Variants in MUC5AC observed in about 807,000 individuals in gnomAD.
MUC5AC encodes mucin 5AC, oligomeric mucus/gel-forming, also known as mucin-5AC.
MUC5AC carries 158 observed loss-of-function variants against 169.7 expected under a neutral mutation model. That is an observed-to-expected ratio of 0.93 (90% CI 0.82 to 1.06). MUC5AC has a LOEUF of 1.06. Among genes scored for constraint, MUC5AC ranks in the 50% least tolerant of loss-of-function variants. The probability of loss-of-function intolerance (pLI) is 0.00; values close to 1 mark genes in which losing one functional copy is unlikely to be tolerated. For synonymous variants in MUC5AC, 1,975 were observed against 1,237.0 expected, an observed-to-expected ratio of 1.60 and a Z score of -12.52; for missense variants, 4,359 against 3,089.9, an observed-to-expected ratio of 1.41 and a Z score of -9.74.
chr11:1,194,119 G>A lies in MUC5AC; in HGVS notation c.14765G>A (p.Ser4922Asn). ...CCCTGGGGCCTGGCAGGTGTGTGCA[G>A]CGGCTGGGGTGACCCCCACTACATC... ...CHHYQCQCVC[S>N]GWGDPHYITF... Residue 4922 changes from serine to asparagine, a missense_variant, in exon 34 of 49, where the codon AGC becomes AAC. Ser to Asn is a conservative substitution (Grantham distance 46, BLOSUM62 1). Transcript: ENST00000621226. 1 of 764,860 alleles carries A rather than the reference G, an allele frequency of 1.3e-6. No homozygotes were observed. Among genetic ancestry groups the A allele is most frequent in the Non-Finnish European group, 2.4e-6 (1 of 417,734 alleles). 47.4% of individuals were successfully genotyped at this position (764,860 alleles called of 1,614,324 possible).
At position 1,185,524 on chromosome 11, in the gene MUC5AC, C is replaced by A; in HGVS notation, c.7379C>A (p.Thr2460Lys). The A allele has an allele frequency of 1.4e-6, 1 of 724,674 alleles. No homozygotes were observed. 44.9% of individuals were successfully genotyped at this position (724,674 alleles called of 1,614,324 possible). The part of the protein sequence containing the change: ...TTPSPVPTTS[T>K]TSAPTTRTTS... ...CCAAGCCCTGTTCCCACGACCAGCACAACCTCTGCCCCTACAACAAGAACA... is the reference window on the plus strand; with the variant it reads ...CCAAGCCCTGTTCCCACGACCAGCAAAACCTCTGCCCCTACAACAAGAACA... Residue 2460 changes from threonine to lysine, a missense_variant, in exon 31 of 49, where the codon ACA becomes AAA. Physicochemically the swap from Thr to Lys is moderately conservative, Grantham distance 78. Coordinates refer to ENST00000621226, the MANE Select transcript of MUC5AC (RefSeq NM_001304359.2).
At chr11:1,198,571 T>G (rs56142040) in intron 43 of MUC5AC, among the ~76,000 whole-genome samples, 4,467 of 152,168 alleles carry the variant, frequency 0.029, 109 homozygotes, top group Non-Finnish European at 0.038. Context: ...CAGCCAGGCC[T>G]GGATCCCACG....
In MUC5AC at chr11:1,167,968, G is replaced by A; in HGVS notation, c.1478G>A (p.Ser493Asn). 6.4e-7 allele frequency: 1 copy of A among 1,550,694 alleles called. No homozygotes were observed. Among genetic ancestry groups the A allele is most frequent in the Non-Finnish European group, 8.7e-7 (1 of 1,147,278 alleles). The change falls in exon 12 of 49, where the codon AGC (serine) becomes AAC (asparagine). Residue 493 changes from serine to asparagine, a missense_variant. Ser to Asn is a conservative substitution (Grantham distance 46). Transcript: ENST00000621226. ...ACCTGCCTGAAGAGCGTGACACTGA[G>A]CCTGGATGGGGCGCAGACGGTGAGT... is the stretch of plus-strand genomic sequence containing the variant. ...SETCLKSVTL[S>N]LDGAQTVVVI... is the part of the protein sequence containing the mutation.
Position 1,195,127 on chromosome 11 carries a change from C to T in MUC5AC, c.15306C>T (p.Cys5102=), listed in dbSNP as rs1179127748. ...WNVSIPDQPA[C]HRPHPTPTTV... ...TGAGCATACCCGACCAGCCAGCCTG[C>T]CACCGGCCTCACCCGACGCCCACCA... The change falls in exon 36 of 49, where the codon TGC becomes TGT. Residue 5102 remains cysteine, a synonymous_variant. Transcript: ENST00000621226. 7.8e-6 allele frequency: 6 copies of T among 764,356 alleles called. No individual in the cohort carries two copies. Among genetic ancestry groups the T allele is most frequent in the South Asian group, 1.3e-5 (1 of 74,550 alleles). 47.3% of individuals were successfully genotyped at this position (764,356 alleles called of 1,614,324 possible). A position where few individuals can be genotyped will look rare whatever the true frequency, so the allele number is the denominator to read the frequency against.
chr11:1,188,118 G>C lies in MUC5AC; in HGVS notation c.9973G>C (p.Gly3325Arg). Residue 3325 changes from glycine to arginine, a missense_variant, in exon 31 of 49, where the codon GGT becomes CGT. Coordinates refer to ENST00000621226, the MANE Select transcript of MUC5AC (RefSeq NM_001304359.2). ...VRVLCCETPK[G>R]CPVTSTPVTA... ...TGTGCTCTGCTGCGAGACCCCTAAA[G>C]GTTGCCCCGTGACCTCCACACCTGT... 8 of 733,310 alleles carry C rather than the reference G, an allele frequency of 1.1e-5. No homozygotes were observed. The highest frequency in any genetic ancestry group is 1.7e-5 in the African/African-American group (1 of 58,502). 45.4% of individuals were successfully genotyped at this position (733,310 alleles called of 1,614,324 possible).
At chr11:1,159,760 A>C (rs1406509061) in intron 1 of MUC5AC, among the ~76,000 whole-genome samples, 1 of 52,904 alleles carries the variant, frequency 1.9e-5, no homozygotes, top group African/African-American at 6.4e-5. Flanking sequence ...GGCTCTATGC[A>C]GGGCTGTGCG....
At chr11:1,181,660 T>C (rs1860818499) in intron 30 of MUC5AC, among the ~76,000 whole-genome samples, 2 of 152,122 alleles carry the variant, frequency 1.3e-5, no homozygotes, top group Non-Finnish European at 2.9e-5. Flanking sequence ...GGGGAGGGCC[T>C]GGCCTCCAAG....
chr11:1,192,609 A>G, intron 31 of MUC5AC, 84 bp downstream of exon 31: 1 of 720,820 alleles, frequency 1.4e-6, no homozygotes, highest in Admixed American at 1.8e-5. Flanking sequence ...TGATGATGAT[A>G]GGAGTCTCTG....
Position 1,191,075 on chromosome 11 carries a change from A to G in MUC5AC, c.12930A>G (p.Thr4310=). Residue 4310 remains threonine, a synonymous_variant, in exon 31 of 49, where the codon ACA becomes ACG. Transcript: ENST00000621226. ...VPTTSTTSAP[T]TSTTSGPGTT... ...CCACCAGCACAACCTCTGCTCCTAC[A>G]ACTAGCACAACCTCTGGTCCTGGAA... The G allele has an allele frequency of 1.4e-6, 1 of 714,458 alleles. No individual in the cohort carries two copies. The highest frequency in any genetic ancestry group is 2.6e-6 in the Non-Finnish European group (1 of 390,664). 44.3% of individuals were successfully genotyped at this position (714,458 alleles called of 1,614,324 possible).
rs1245582188 is a variant in MUC5AC at position 1,192,989 on chromosome 11, C to G, written c.14580+7C>G. 7.2e-6 allele frequency: 5 copies of G among 695,338 alleles called. No individual in the cohort carries two copies. Among genetic ancestry groups the G allele is most frequent in the Non-Finnish European group, 1.1e-5 (4 of 377,494 alleles). The allele number at this position is 695,338 out of a possible 1,614,324, so 43.1% of individuals were successfully genotyped here. ...TGCGGTTCCCCCCAGAAAGGTAACCCCCTACTTCTCACCCTTCTGAAGGCT... is the reference window on the plus strand; with the variant it reads ...TGCGGTTCCCCCCAGAAAGGTAACCGCCTACTTCTCACCCTTCTGAAGGCT... On this transcript the variant is annotated splice_region_variant and intron_variant, in intron 32 of 48. Transcript: ENST00000621226.
rs772709702 is a variant in MUC5AC at position 1,200,605 on chromosome 11, G to A, written c.16868G>A (p.Gly5623Asp). Reference sequence around the variant, plus strand: ...ATGGGCCGGCGGTGCCCTGCGCCGGGCGACACCCAGCACTCGGAGGAGGCG... The same window carrying A: ...ATGGGCCGGCGGTGCCCTGCGCCGGACGACACCCAGCACTCGGAGGAGGCG... ...GCMGRRCPAP[G>D]DTQHSEEAEP... Residue 5623 changes from glycine to aspartate, a missense_variant, in exon 49 of 49, where the codon GGC (glycine) becomes GAC (aspartate). Transcript: ENST00000621226. 1.4e-5 allele frequency: 11 copies of A among 764,458 alleles called. No homozygotes were observed. The highest frequency in any genetic ancestry group is 4.5e-4 in the Middle Eastern group (2 of 4,432). The allele number at this position is 764,458 out of a possible 1,614,324, so 47.4% of individuals were successfully genotyped here. A position where few individuals can be genotyped will look rare whatever the true frequency, so the allele number is the denominator to read the frequency against.
Position 1,199,391 on chromosome 11 carries a change from C to T in MUC5AC, c.16416C>T (p.Asp5472=), listed in dbSNP as rs769065625. 1.2e-5 allele frequency: 9 copies of T among 722,396 alleles called. No homozygotes were observed. The highest frequency in any genetic ancestry group is 1.9e-5 in the Admixed American group (1 of 53,018). 44.7% of individuals were successfully genotyped at this position (722,396 alleles called of 1,614,324 possible). ...TCCAGCCCGGCGAGACCTGGTCAGA[C>T]GCAGGGAACCACTGTGTGACCCACC... is the stretch of plus-strand genomic sequence containing the variant. ...HLFYPGETWS[D]AGNHCVTHQC... Residue 5472 remains aspartate (D), a synonymous_variant, in exon 46 of 49, where the codon GAC becomes GAT. Transcript: ENST00000621226.
At chr11:1,192,693 G>A (rs1861153735) in intron 31 of MUC5AC, 90 bp from the exon 32 acceptor site, 1 of 690,982 alleles carries the variant, frequency 1.4e-6, no homozygotes, top group Non-Finnish European at 2.6e-6. Context: ...TTACACAGGT[G>A]GTAGAAAGTG....
intron 26 of MUC5AC, among the ~76,000 whole-genome samples, chr11:1,179,596 G>A (rs1590142669): frequency 0.091 from 12,343 of 136,098 alleles, 1,976 homozygotes; most frequent in Non-Finnish European, 0.12. Context: ...GTTGGGCAGA[G>A]GGTTCAGCAG....
Position 1,163,966 on chromosome 11 carries a change from C to T in MUC5AC, c.764C>T (p.Pro255Leu). ...TDQCQDPVPE[P>L]PRNCSTGFGI... ...CAGTGTCAGGACCCTGTCCCTGAAC[C>T]CCCGAGGAACTGCTCCACTGGCTTT... The change falls in exon 7 of 49, where the codon CCC becomes CTC. Residue 255 changes from proline (P) to leucine (L), a missense_variant. By Grantham distance (98) the Pro-to-Leu change is moderately conservative. Transcript: ENST00000621226. The T allele has an allele frequency of 1.2e-6, 2 of 1,611,154 alleles. No individual in the cohort carries two copies. The highest frequency in any genetic ancestry group is 1.7e-6 in the Non-Finnish European group (2 of 1,179,300).
rs1860739749 is a variant in MUC5AC, at chr11:1,178,530, G to A, written c.3174G>A (p.Val1058=). The A allele has an allele frequency of 3.8e-6, 5 of 1,318,474 alleles. No homozygotes were observed. The highest frequency in any genetic ancestry group is 5.0e-6 in the Non-Finnish European group (5 of 1,005,192). The allele number at this position is 1,318,474 out of a possible 1,614,324, so 81.7% of individuals were successfully genotyped here. ...GGAGCCGGTCTGTGGTGGGGGACGT[G>A]CTGGAGTTTGGGAACAGCTGGAAGC... ...ATRSRSVVGD[V]LEFGNSWKLS... The change falls in exon 25 of 49, where the codon GTG becomes GTA. Residue 1058 remains valine, a synonymous_variant. Coordinates refer to ENST00000621226, the MANE Select transcript of MUC5AC (RefSeq NM_001304359.2).
At chr11:1,197,232 G>A (rs1007581239) in intron 40 of MUC5AC, among the ~76,000 whole-genome samples, 2 of 152,196 alleles carry the variant, frequency 1.3e-5, no homozygotes, top group Non-Finnish European at 2.9e-5. Context: ...CCAAGACTGT[G>A]GAGGTGTGAG....
At position 1,198,766 on chromosome 11, in the gene MUC5AC, C is replaced by G. The variant is rs530257565; in HGVS notation, c.16174-108C>G. 8.9e-5 allele frequency: 58 copies of G among 648,738 alleles called. No individual in the cohort carries two copies. The East Asian group carries it at 1.5e-3, about 17-fold the overall frequency. The allele number at this position is 648,738 out of a possible 1,614,324, so 40.2% of individuals were successfully genotyped here. ...GCAACTCGGCCTGGTAGGAAGCGGC[C>G]TGGAGGGGGATGTCTGGGAAGTTGG... is the stretch of plus-strand genomic sequence containing the variant. On this transcript the variant is annotated intron_variant, in intron 43 of 48. Transcript: ENST00000621226.
At position 1,198,950 on chromosome 11, in the gene MUC5AC, T is replaced by C. The variant is rs754314346; in HGVS notation, c.16250T>C (p.Phe5417Ser). Residue 5417 changes from phenylalanine to serine, a missense_variant, in exon 44 of 49, where the codon TTT becomes TCT. Physicochemically the swap from Phe to Ser is radical, Grantham distance 155. Coordinates refer to ENST00000621226, the MANE Select transcript of MUC5AC (RefSeq NM_001304359.2). ...CCGGGTGGCCCCCCATCGGACGCGT[T>C]TGTGGTCAGCTGTGAGACCCAGATC... is the stretch of plus-strand genomic sequence containing the variant. ...ELPGGPPSDA[F>S]VVSCETQICN... is the part of the protein sequence containing the mutation. 3.9e-6 allele frequency: 3 copies of C among 763,770 alleles called. No individual in the cohort carries two copies. In the East Asian group the frequency reaches 7.3e-5, roughly 19 times the overall value. 47.3% of individuals were successfully genotyped at this position (763,770 alleles called of 1,614,324 possible). A position where few individuals can be genotyped will look rare whatever the true frequency, so the allele number is the denominator to read the frequency against.
Sources: gnomAD v4.1 joint callset for allele counts (sites outside exome capture counted in the v4.1 genomes callset) on GRCh38, gnomAD v4.1.1 for gene constraint, MANE v1.5 for transcripts, NCBI Gene and HGNC (gene_info 2026-07-23, HGNC 2026-07-21) for gene names.